The following NDUFA10 variants were observed in gnomAD, a reference collection of about 807,000 sequenced individuals.
NDUFA10 encodes the protein NADH:ubiquinone oxidoreductase subunit A10.
Under a neutral mutation model 47.8 loss-of-function variants are expected in NDUFA10, and 40 were observed. The ratio of observed to expected loss-of-function variants is 0.84; its 90% CI spans 0.65 to 1.09. The LOEUF (loss-of-function observed/expected upper bound fraction) is 1.09, where lower values mean the gene tolerates loss of function less well. Ranked by LOEUF, NDUFA10 falls within the 50% of genes least tolerant of loss-of-function variation. NDUFA10 has a pLI of 0.00. For missense variants in NDUFA10, 413 were observed against 451.1 expected, an observed-to-expected ratio of 0.92 and a Z score of 0.76; for synonymous variants, 183 against 172.2, an observed-to-expected ratio of 1.06 and a Z score of -0.49.
intron 8 of NDUFA10, among the ~76,000 whole-genome samples, chr2:239,993,051 A>G (rs1281635075): frequency 6.6e-6 from 1 of 152,244 alleles, no homozygotes; most frequent in Non-Finnish European, 1.5e-5. Flanking sequence ...AAGGCAAAAT[A>G]CCAGGAGAAA....
At chr2:239,940,048 C>T (rs368638327) in intron 4 of NDUFA10, among the ~76,000 whole-genome samples, 42 of 152,376 alleles carry the variant, frequency 2.8e-4, no homozygotes, top group South Asian at 1.2e-3. Context: ...CCCACCGCCT[C>T]TGAGGAACCC....
downstream of NDUFA10, among the ~76,000 whole-genome samples, chr2:239,955,300 TAGAC>T (rs1694631753): frequency 1.3e-5 from 2 of 152,038 alleles, no homozygotes; most frequent in African/African-American, 2.4e-5. Context: ...ACCATGAAAA[TAGAC>T]AGCTATGCAA....
intron 4 of NDUFA10, among the ~76,000 whole-genome samples, chr2:239,913,832 A>G (rs1036717189): frequency 2.6e-5 from 4 of 152,260 alleles, no homozygotes; most frequent in Non-Finnish European, 5.9e-5. Context: ...GTGTCTGTGC[A>G]CATGTGTGCA....
intron 4 of NDUFA10, among the ~76,000 whole-genome samples, chr2:239,922,058 C>G (rs1693998188): frequency 7.1e-6 from 1 of 140,890 alleles, no homozygotes; most frequent in Non-Finnish European, 1.5e-5. Context: ...CCCTCCCTCC[C>G]TTCCTTCTTT....
chr2:239,963,542 G>C (rs966021810), intron 9 of NDUFA10, among the ~76,000 whole-genome samples: 38 of 152,356 alleles, frequency 2.5e-4, no homozygotes, highest in Middle Eastern at 3.4e-3. Flanking sequence ...GCCTCAAAGG[G>C]CCTGACGGGG....
At chr2:240,006,491 A>C (rs903895210) in intron 7 of NDUFA10, among the ~76,000 whole-genome samples, 2 of 152,210 alleles carry the variant, frequency 1.3e-5, no homozygotes, top group Non-Finnish European at 2.9e-5. Flanking sequence ...CCAACTATGC[A>C]AAGCTTCTCT....
chr2:239,981,999 G>C (rs1695795412), intron 9 of NDUFA10: 3 of 1,375,160 alleles, frequency 2.2e-6, no homozygotes, highest in Admixed American at 2.0e-5. Flanking sequence ...GCCTCCACTT[G>C]CTCCAGGAAA....
At chr2:239,965,304 C>A (rs1262918920) in intron 9 of NDUFA10, among the ~76,000 whole-genome samples, 2 of 149,418 alleles carry the variant, frequency 1.3e-5, no homozygotes, top group South Asian at 2.1e-4. Flanking sequence ...GAGAACCATG[C>A]GGGGGGGGAG....
intron 9 of NDUFA10, among the ~76,000 whole-genome samples, chr2:239,973,842 C>T (rs1015085663): frequency 4.6e-5 from 7 of 152,266 alleles, no homozygotes; most frequent in East Asian, 1.9e-4. Flanking sequence ...TGAGGAGGGT[C>T]GCTAAGGAAA....
intron 4 of NDUFA10, among the ~76,000 whole-genome samples, chr2:239,912,302 T>C (rs974327407): frequency 1.3e-5 from 2 of 152,056 alleles, no homozygotes; most frequent in Non-Finnish European, 1.5e-5. Context: ...GGCAGAACGC[T>C]TGGGAGAGGA....
chr2:239,937,568 A>G (rs1408491262), intron 4 of NDUFA10, among the ~76,000 whole-genome samples: 1 of 152,196 alleles, frequency 6.6e-6, no homozygotes, highest in East Asian at 1.9e-4. Context: ...TGTATGCACC[A>G]CAGTCCGCTC....
intron 4 of NDUFA10, among the ~76,000 whole-genome samples, chr2:239,926,952 G>C (rs894827669): frequency 9.2e-5 from 14 of 152,118 alleles, no homozygotes; most frequent in African/African-American, 3.4e-4. Flanking sequence ...GTGTGTGCAG[G>C]GGAGCTTCTC....
At chr2:239,983,723 G>T in intron 9 of NDUFA10, 1 of 1,561,480 alleles carries the variant, frequency 6.4e-7, no homozygotes. Context: ...AATCGCTAGA[G>T]AAACATCGGG....
At chr2:239,934,115 G>C (rs1694223119) in intron 4 of NDUFA10, among the ~76,000 whole-genome samples, 3 of 152,306 alleles carry the variant, frequency 2.0e-5, no homozygotes, top group African/African-American at 4.8e-5. Context: ...CTGGCCTCAA[G>C]CAATTCTCCT....
chr2:239,986,023 A>G (rs1374888579), intron 9 of NDUFA10, among the ~76,000 whole-genome samples: 2 of 152,272 alleles, frequency 1.3e-5, no homozygotes, highest in Non-Finnish European at 2.9e-5. Flanking sequence ...ACACCTACTT[A>G]CACAACACAC....
intron 2 of NDUFA10, among the ~76,000 whole-genome samples, chr2:240,021,682 C>T (rs564508545): frequency 7.9e-5 from 12 of 152,312 alleles, no homozygotes; most frequent in African/African-American, 2.2e-4. Context: ...CACAGGAGCC[C>T]CCTCTAGCGG....
intron 9 of NDUFA10, among the ~76,000 whole-genome samples, chr2:239,977,351 C>T (rs915390305): frequency 5.3e-5 from 8 of 152,176 alleles, no homozygotes; most frequent in Admixed American, 3.3e-4. Flanking sequence ...CTGAGTATGG[C>T]GTGCTAGGCC....
intron 8 of NDUFA10, among the ~76,000 whole-genome samples, chr2:239,991,522 A>G (rs1696247860): frequency 6.6e-6 from 1 of 152,248 alleles, no homozygotes; most frequent in Non-Finnish European, 1.5e-5. Flanking sequence ...TCAAGCAAGC[A>G]AAACAGAAAG....
At chr2:239,936,556 G>A (rs749280716) in intron 4 of NDUFA10, among the ~76,000 whole-genome samples, 2 of 152,214 alleles carry the variant, frequency 1.3e-5, no homozygotes, top group Non-Finnish European at 1.5e-5. Flanking sequence ...CCAGGACAGG[G>A]ACACTCTGGT....
Sources: allele counts gnomAD v4.1 joint callset (sites outside exome capture counted in the v4.1 genomes callset), GRCh38; gene constraint gnomAD v4.1.1; transcripts MANE v1.5; gene names NCBI Gene and HGNC (gene_info 2026-07-23, HGNC 2026-07-21).